Variants in CCT6A observed in about 807,000 individuals in gnomAD.
The protein encoded by CCT6A is chaperonin containing TCP1 subunit 6A, also known as T-complex protein 1 subunit zeta.
In CCT6A, 6 loss-of-function variants were observed where a neutral mutation model predicts 58.6. The ratio of observed to expected loss-of-function variants is 0.10; its 90% CI spans 0.06 to 0.20. The LOEUF (loss-of-function observed/expected upper bound fraction) is 0.20. CCT6A is among the 10% of genes least tolerant of loss of function. The pLI is 1.00. For synonymous variants in CCT6A, 245 were observed against 227.8 expected (o/e 1.08, Z -0.68); for missense variants, 516 against 648.8 (o/e 0.80, Z 2.22).
intron 3 of CCT6A, chr7:56,055,368 C>T (rs1584547775): frequency 7.2e-6 from 4 of 552,498 alleles, no homozygotes; most frequent in African/African-American, 1.9e-5. Context: ...GAGTGGTTTG[C>T]ACAGTGAACA....
At chr7:56,062,420 G>C (rs1794470967) in intron 12 of CCT6A, among the ~76,000 whole-genome samples, 1 of 152,226 alleles carries the variant, frequency 6.6e-6, no homozygotes, top group South Asian at 2.1e-4. Context: ...GATTATAGTT[G>C]AAGTGCTATA....
intron 3 of CCT6A, 97 bp from the exon 4 acceptor site, chr7:56,055,527 A>C: frequency 9.9e-7 from 1 of 1,008,352 alleles, no homozygotes; most frequent in South Asian, 1.5e-5. Flanking sequence ...CAAAGGTATG[A>C]TGATCCAGAA....
rs182987520 is a variant in CCT6A, at chr7:56,060,732, T to C, written c.1214-75T>C. On this transcript the variant is annotated intron_variant, in intron 10 of 13. Coordinates refer to ENST00000275603, the MANE Select transcript of CCT6A (RefSeq NM_001762.4). ...GTAAATTTGTAAGAAATTAATGGCT[T>C]TCATATGTATATTTTGTTATTCATA... 183 of 1,507,850 alleles carry C rather than the reference T, an allele frequency of 1.2e-4. No individual in the cohort carries two copies. In the Admixed American group the frequency reaches 3.4e-3, roughly 28 times the overall value. The allele number at this position is 1,507,850 out of a possible 1,614,324, so 93.4% of individuals were successfully genotyped here. A position where few individuals can be genotyped will look rare whatever the true frequency, so the allele number is the denominator to read the frequency against.
At chr7:56,061,690 TTTTTA>T in intron 11 of CCT6A, 52 bp from the exon 12 acceptor site, 1 of 560,358 alleles carries the variant, frequency 1.8e-6, no homozygotes, top group Non-Finnish European at 3.1e-6. Flanking sequence ...TTTTTTTTTT[TTTTTA>T]CTATCAGTTA....
chr7:56,054,252 A>G lies in CCT6A; in HGVS notation c.202-117A>G, dbSNP rs1194564529. On this transcript the variant is annotated intron_variant, in intron 2 of 13. Transcript: ENST00000275603. ...TTAATCGAAGTAATTTGTAGCCAAC[A>G]TTTGGGTAGCTTTTTCAAGTAGATA... 5.2e-6 allele frequency: 4 copies of G among 763,330 alleles called. No individual in the cohort carries two copies. The East Asian group carries it at 9.9e-5, about 19-fold the overall frequency. The allele number at this position is 763,330 out of a possible 1,614,324, so 47.3% of individuals were successfully genotyped here.
intron 2 of CCT6A, among the ~76,000 whole-genome samples, chr7:56,053,756 C>T (rs1794242943): frequency 6.6e-6 from 1 of 151,762 alleles, no homozygotes; most frequent in Admixed American, 6.6e-5. Flanking sequence ...AGGGTATCTC[C>T]AAAACAAAAC....
In CCT6A at chr7:56,051,814, T is replaced by C. The variant is rs1217089600; in HGVS notation, c.-35T>C. 3 of 1,546,292 alleles carry C rather than the reference T, an allele frequency of 1.9e-6. No homozygotes were observed. The highest frequency in any genetic ancestry group is 2.5e-5 in the East Asian group (1 of 40,348). ...GCCACGCCGCGCCGGCTCTGGGCAC[T>C]CAGCATCGTTTCCTTTTCCTCCGCT... On this transcript the variant is annotated 5_prime_UTR_variant, in exon 1 of 14. Transcript: ENST00000275603.
At chr7:56,059,500 AC>A (rs769608950) in intron 8 of CCT6A, 43 bp from the exon 9 acceptor site, 1 of 929,042 alleles carries the variant, frequency 1.1e-6, no homozygotes, top group South Asian at 1.3e-5. Context: ...TTTGAAATTC[AC>A]TGGTAACGTT....
At chr7:56,062,949 G>C in intron 13 of CCT6A, 64 bp from the exon 14 acceptor site, 1 of 1,329,944 alleles carries the variant, frequency 7.5e-7, no homozygotes, top group Admixed American at 1.7e-5. Context: ...GGTTGGAAGT[G>C]GGAAGTTGAG....
intron 12 of CCT6A, among the ~76,000 whole-genome samples, chr7:56,062,405 A>C (rs1316933097): frequency 6.6e-6 from 1 of 152,254 alleles, no homozygotes; most frequent in African/African-American, 2.4e-5. Context: ...AGTCCATTTT[A>C]GTCAGATTAT....
Position 56,063,498 on chromosome 7 carries a change from T to C in CCT6A, c.*413T>C, listed in dbSNP as rs1448540454. ...TTTAAAATTTTTATGCTAATATAAA[T>C]GCTCAAGTAATTTAAAATATTGAAA... On this transcript the variant is annotated 3_prime_UTR_variant, in exon 14 of 14. Coordinates refer to ENST00000275603, the MANE Select transcript of CCT6A (RefSeq NM_001762.4). 5.5e-6 allele frequency: 1 copy of C among 181,926 alleles called. No individual in the cohort carries two copies. Among genetic ancestry groups the C allele is most frequent in the Non-Finnish European group, 1.2e-5 (1 of 85,998 alleles). The allele number at this position is 181,926 out of a possible 1,614,324, so 11.3% of individuals were successfully genotyped here. A position where few individuals can be genotyped will look rare whatever the true frequency, so the allele number is the denominator to read the frequency against.
rs1338137224 is a variant in CCT6A, at chr7:56,060,002, C to T, written c.1066-267C>T. ...CAGGCATGAGCCACCGTGCCTGGTT[C>T]ATGAAGTCTTTAGCAGAAAAATTAA... On this transcript the variant is annotated intron_variant, in intron 9 of 13. Coordinates refer to ENST00000275603, the MANE Select transcript of CCT6A (RefSeq NM_001762.4). 11 of 484,248 alleles carry T rather than the reference C, an allele frequency of 2.3e-5. No individual in the cohort carries two copies. In the East Asian group the frequency reaches 3.7e-4, roughly 16 times the overall value. 30.0% of individuals were successfully genotyped at this position (484,248 alleles called of 1,614,324 possible).
intron 1 of CCT6A, 52 bp from the exon 2 acceptor site, chr7:56,052,370 T>G: frequency 6.5e-7 from 1 of 1,530,824 alleles, no homozygotes; most frequent in Non-Finnish European, 9.1e-7. Context: ...AATGGGACTT[T>G]TAGTTATCGT....
intron 13 of CCT6A, 126 bp downstream of exon 13, chr7:56,062,881 G>A: frequency 1.8e-6 from 2 of 1,111,614 alleles, no homozygotes; most frequent in Non-Finnish European, 2.8e-6. Context: ...AACTGAACTA[G>A]CCCTCTGATG....
At chr7:56,057,958 A>G in intron 5 of CCT6A, 35 bp from the exon 6 acceptor site, 1 of 1,129,964 alleles carries the variant, frequency 8.8e-7, no homozygotes, top group Non-Finnish European at 1.3e-6. Flanking sequence ...CCCATCTGAA[A>G]ATCAATAACC....
rs963234064 is a variant in CCT6A, at chr7:56,063,400, G to A, written c.*315G>A. ...CTTGTTATTAAATATTTCTTGAAAA[G>A]CAAATTTTAATGGTTTAATTTTATG... On this transcript the variant is annotated 3_prime_UTR_variant, in exon 14 of 14. Coordinates refer to ENST00000275603, the MANE Select transcript of CCT6A (RefSeq NM_001762.4). The A allele has an allele frequency of 3.5e-6, 1 of 285,890 alleles. No individual in the cohort carries two copies. The highest frequency in any genetic ancestry group is 6.6e-6 in the Non-Finnish European group (1 of 151,466). The allele number at this position is 285,890 out of a possible 1,614,324, so 17.7% of individuals were successfully genotyped here. A position where few individuals can be genotyped will look rare whatever the true frequency, so the allele number is the denominator to read the frequency against.
At chr7:56,062,843 G>T (rs1229900978) in intron 13 of CCT6A, 88 bp downstream of exon 13, 3 of 1,230,588 alleles carry the variant, frequency 2.4e-6, no homozygotes, top group Non-Finnish European at 3.6e-6. Flanking sequence ...TTTCCCCCAT[G>T]AATAATGTGA....
rs190455401 is a variant in CCT6A at position 56,058,317 on chromosome 7, T to G, written c.726-45T>G. 142 of 1,423,396 alleles carry G rather than the reference T, an allele frequency of 1.0e-4. 1 individual carries two copies. The East Asian group carries it at 2.2e-3, about 22-fold the overall frequency. The allele number at this position is 1,423,396 out of a possible 1,614,324, so 88.2% of individuals were successfully genotyped here. A position where few individuals can be genotyped will look rare whatever the true frequency, so the allele number is the denominator to read the frequency against. On this transcript the variant is annotated intron_variant, in intron 6 of 13. Coordinates refer to ENST00000275603, the MANE Select transcript of CCT6A (RefSeq NM_001762.4). ...ACTAATCCAGTTTCAGAAGCTGCTT[T>G]CTTAATGTTTCCCTGCTTTCTGTAA...
intron 2 of CCT6A, among the ~76,000 whole-genome samples, 172 bp downstream of exon 2, chr7:56,052,657 C>CT (rs1191097670): frequency 6.6e-6 from 1 of 152,062 alleles, no homozygotes; most frequent in Non-Finnish European, 1.5e-5. Flanking sequence ...TGAATCCCTG[C>CT]TTTTTTGCCA....
Sources: gnomAD v4.1 joint callset for allele counts (sites outside exome capture counted in the v4.1 genomes callset) on GRCh38, gnomAD v4.1.1 for gene constraint, MANE v1.5 for transcripts, NCBI Gene and HGNC (gene_info 2026-07-23, HGNC 2026-07-21) for gene names.